The following KHDRBS2 variants were observed in gnomAD, a reference collection of about 807,000 sequenced individuals.
KHDRBS2 encodes KH domain-containing, RNA-binding, signal transduction-associated protein 2.
A neutral mutation model predicts 44.3 loss-of-function variants in KHDRBS2; 26 were observed. That is an observed-to-expected ratio of 0.59 (90% CI 0.43 to 0.81). The LOEUF is 0.81. Ranked by LOEUF, KHDRBS2 falls within the 40% of genes least tolerant of loss-of-function variation. The pLI, the probability that KHDRBS2 is intolerant of heterozygous loss-of-function variation, is 0.00. For missense variants in KHDRBS2, 476 were observed against 433.1 expected (o/e 1.10, Z -0.88); for synonymous variants, 194 against 151.1 (o/e 1.28, Z -2.08).
chr6:61,555,366 G>GT, the KHDRBS2 span, among the ~76,000 whole-genome samples: 1 of 151,680 alleles, frequency 6.6e-6, no homozygotes, highest in African/African-American at 2.4e-5. Flanking sequence ...AGTTCAGTTT[G>GT]TTTTTTTCTG....
Position 62,219,921 on chromosome 6 carries a change from T to TTA in KHDRBS2, c.92-42611_92-42610dup, listed in dbSNP as rs775076602. The stretch of plus-strand genomic sequence containing the variant: ...ATTTTATATAGATCTATACTTGAAA[T>TTA]TATATATATATATTAATAGTATATA... On this transcript the variant is annotated intron_variant, in intron 1 of 8. Transcript: ENST00000281156. Among the ~76,000 whole-genome samples the TTA allele has an allele frequency of 1.8e-4, 26 of 147,032 alleles. No homozygotes were observed. The South Asian group carries it at 1.9e-3, about 11-fold the overall frequency.
chr6:61,929,605 CAT>C (rs1809636448), intron 4 of KHDRBS2, among the ~76,000 whole-genome samples: 1 of 152,218 alleles, frequency 6.6e-6, no homozygotes, highest in South Asian at 2.1e-4. Flanking sequence ...CAGTTTGAAA[CAT>C]ATCACAAAGA....
chr6:61,917,371 T>A (rs1164814034), intron 4 of KHDRBS2, among the ~76,000 whole-genome samples: 1 of 151,972 alleles, frequency 6.6e-6, no homozygotes, highest in Non-Finnish European at 1.5e-5. Flanking sequence ...TAAATGTATA[T>A]ATCAAGTGAA....
intron 2 of KHDRBS2, among the ~76,000 whole-genome samples, chr6:62,124,792 T>G (rs1261299893): frequency 5.3e-5 from 8 of 152,220 alleles, no homozygotes; most frequent in Non-Finnish European, 8.8e-5. Context: ...GTTCAATTTT[T>G]AATTTTTTTA....
intron 4 of KHDRBS2, among the ~76,000 whole-genome samples, chr6:61,909,440 T>C (rs578087833): frequency 1.3e-5 from 2 of 152,274 alleles, no homozygotes; most frequent in East Asian, 3.9e-4. Context: ...ATTCGCTTTT[T>C]TGCTACCAAA....
chr6:61,970,138 G>A (rs985943090), intron 4 of KHDRBS2, among the ~76,000 whole-genome samples: 11 of 151,846 alleles, frequency 7.2e-5, no homozygotes, highest in African/African-American at 9.7e-5. Context: ...ATATATGTGT[G>A]TATCTATATA....
chr6:61,999,416 T>C (rs1409984872), intron 3 of KHDRBS2, among the ~76,000 whole-genome samples: 1 of 152,142 alleles, frequency 6.6e-6, no homozygotes, highest in Admixed American at 6.6e-5. Flanking sequence ...CAAGCATCAT[T>C]ATCATGAGTA....
chr6:61,637,423 C>T, the KHDRBS2 span, among the ~76,000 whole-genome samples: 2 of 152,070 alleles, frequency 1.3e-5, no homozygotes, highest in Non-Finnish European at 2.9e-5. Context: ...TTTCTTAATC[C>T]AGTCTATCAT....
At chr6:61,633,902 C>A in the KHDRBS2 span, among the ~76,000 whole-genome samples, 2 of 152,020 alleles carry the variant, frequency 1.3e-5, no homozygotes, top group East Asian at 3.9e-4. Flanking sequence ...TCATTTGTAT[C>A]ATTTAAGTTT....
chr6:61,949,059 C>A (rs1382541640), intron 4 of KHDRBS2, among the ~76,000 whole-genome samples: 1 of 152,034 alleles, frequency 6.6e-6, no homozygotes, highest in Non-Finnish European at 1.5e-5. Context: ...AACCTTCCTC[C>A]AAAAGATCGT....
At chr6:61,959,714 TG>T (rs1318151181) in intron 4 of KHDRBS2, among the ~76,000 whole-genome samples, 1 of 152,160 alleles carries the variant, frequency 6.6e-6, no homozygotes, top group African/African-American at 2.4e-5. Flanking sequence ...GGTTAAGTTA[TG>T]GGTTAGGTAG....
rs1161555793 is a variant in KHDRBS2, at chr6:61,731,965, C to T, written c.893+717G>A. 3.3e-5 allele frequency among the ~76,000 whole-genome samples: 5 copies of T among 151,896 alleles called. No homozygotes were observed. The East Asian group carries it at 9.6e-4, about 29-fold the overall frequency. Reference sequence around the variant, plus strand: ...TAACAAAAAACAGATAGTTGGTTTCCAGAGCCTGAGGATGAAGGAGAAGTT... The same window carrying T: ...TAACAAAAAACAGATAGTTGGTTTCTAGAGCCTGAGGATGAAGGAGAAGTT... On this transcript the variant is annotated intron_variant, in intron 7 of 8. Coordinates refer to ENST00000281156, the MANE Select transcript of KHDRBS2 (RefSeq NM_152688.4).
intron 6 of KHDRBS2, among the ~76,000 whole-genome samples, chr6:61,781,809 T>C (rs1356031603): frequency 6.6e-6 from 1 of 152,136 alleles, no homozygotes; most frequent in Non-Finnish European, 1.5e-5. Context: ...TCCAGGGAGA[T>C]AGAGAAGAAA....
chr6:61,892,883 A>G (rs1003846373), intron 6 of KHDRBS2, among the ~76,000 whole-genome samples: 1 of 152,154 alleles, frequency 6.6e-6, no homozygotes, highest in East Asian at 1.9e-4. Flanking sequence ...AATGGCAACA[A>G]AAGCCAAAAT....
intron 6 of KHDRBS2, among the ~76,000 whole-genome samples, chr6:61,754,173 T>C (rs1298291436): frequency 2.6e-5 from 4 of 152,104 alleles, no homozygotes; most frequent in Non-Finnish European, 4.4e-5. Flanking sequence ...CTAATACAGA[T>C]TTGGATGACT....
At chr6:61,755,799 C>CA (rs34625585) in intron 6 of KHDRBS2, among the ~76,000 whole-genome samples, 49,069 of 106,032 alleles carry the variant, frequency 0.46, 10,254 homozygotes, top group Middle Eastern at 0.56. Flanking sequence ...GACTCTGTCT[C>CA]AAAAAAAAAA....
chr6:62,121,952 C>T (rs1807756406), intron 2 of KHDRBS2, among the ~76,000 whole-genome samples: 1 of 152,146 alleles, frequency 6.6e-6, no homozygotes, highest in Non-Finnish European at 1.5e-5. Flanking sequence ...CATTTGGCCC[C>T]TACTACCACC....
chr6:61,849,410 T>C (rs998424942), intron 6 of KHDRBS2, among the ~76,000 whole-genome samples: 1 of 152,100 alleles, frequency 6.6e-6, no homozygotes, highest in African/African-American at 2.4e-5. Context: ...AAATATCACT[T>C]AGAAGTTGCT....
At chr6:62,065,763 C>A (rs1584473270) in intron 2 of KHDRBS2, among the ~76,000 whole-genome samples, 1 of 148,314 alleles carries the variant, frequency 6.7e-6, no homozygotes, top group Non-Finnish European at 1.5e-5. Flanking sequence ...TGCACATGTA[C>A]CCTAAAACTT....
Sources: gnomAD v4.1 joint callset for allele counts (sites outside exome capture counted in the v4.1 genomes callset) on GRCh38, gnomAD v4.1.1 for gene constraint, MANE v1.5 for transcripts, NCBI Gene and HGNC (gene_info 2026-07-23, HGNC 2026-07-21) for gene names.